Variants in FAM98B observed in about 807,000 individuals in gnomAD.
The protein encoded by FAM98B is tRNA splicing ligase complex subunit 3B.
In FAM98B, 32 loss-of-function variants were observed where a neutral mutation model predicts 43.9. The ratio of observed to expected loss-of-function variants is 0.73; its 90% confidence interval spans 0.55 to 0.98. FAM98B has a LOEUF of 0.98. FAM98B is among the 50% of genes least tolerant of loss of function. The pLI is 0.00. For synonymous variants in FAM98B, 190 were observed against 174.0 expected (o/e 1.09, Z -0.72); for missense variants, 514 against 522.9 (o/e 0.98, Z 0.17).
intron 1 of FAM98B, among the ~76,000 whole-genome samples, chr15:38,463,031 C>T (rs1159538699): frequency 2.2e-4 from 33 of 152,160 alleles, no homozygotes; most frequent in Admixed American, 2.2e-3. Flanking sequence ...GATTAAAACA[C>T]ATCAAGTATA....
chr15:38,465,218 G>T (rs754259177), intron 2 of FAM98B, 51 bp from the exon 3 acceptor site: 2 of 1,544,034 alleles, frequency 1.3e-6, no homozygotes, highest in South Asian at 2.4e-5. Flanking sequence ...TATAGTATTG[G>T]ATTATATGGT....
intron 1 of FAM98B, among the ~76,000 whole-genome samples, chr15:38,456,914 GC>G (rs1177896907): frequency 1.3e-5 from 2 of 152,294 alleles, no homozygotes; most frequent in Non-Finnish European, 2.9e-5. Flanking sequence ...GAAAATCAGG[GC>G]ATGCAGCCCC....
rs1041550667 is a variant in FAM98B, at chr15:38,484,638, A to C, written c.1281A>C (p.Gly427=). Residue 427 remains glycine, a synonymous_variant, in exon 8 of 8, where the codon GGA becomes GGC. Coordinates refer to ENST00000397609, the MANE Select transcript of FAM98B (RefSeq NM_173611.4). The part of the protein sequence containing the change: ...GGGGGGGGGG[G]GGYRRY Reference sequence around the variant, plus strand: ...GTGGTGGTGGTGGTGGTGGTGGAGGAGGTGGATATAGAAGATACTAAAAAC... The same window carrying C: ...GTGGTGGTGGTGGTGGTGGTGGAGGCGGTGGATATAGAAGATACTAAAAAC... The C allele has an allele frequency of 1.1e-5, 17 of 1,516,790 alleles. No individual in the cohort carries two copies. The African/African-American group carries it at 2.4e-4, about 22-fold the overall frequency. The allele number at this position is 1,516,790 out of a possible 1,614,324, so 94.0% of individuals were successfully genotyped here. A position where few individuals can be genotyped will look rare whatever the true frequency, so the allele number is the denominator to read the frequency against.
At chr15:38,454,283 C>T in intron 1 of FAM98B, 51 bp downstream of exon 1, 4 of 1,551,206 alleles carry the variant, frequency 2.6e-6, no homozygotes, top group Non-Finnish European at 3.5e-6. Flanking sequence ...CTCTCCTTGG[C>T]CTGGCTGCTT....
chr15:38,484,483 TG>T lies in FAM98B; in HGVS notation c.1133del (p.Gly378GlufsTer62), dbSNP rs1451089850. The T allele has an allele frequency of 1.8e-4, 24 of 132,306 alleles. 1 individual carries two copies. The highest frequency in any genetic ancestry group is 1.4e-3 in the East Asian group (1 of 726). 8.2% of individuals were successfully genotyped at this position (132,306 alleles called of 1,614,324 possible). ...AGGTGGTGGGGGAGGGGGAGGAGGG[TG>T]GGGGGGAGGAGGAGGAGGTGGTAGA... is the stretch of plus-strand genomic sequence containing the variant. ...WGGGGGGGGG[W>X]GGGGGGGRGG... On this transcript the variant is annotated frameshift_variant, in exon 8 of 8. Coordinates refer to ENST00000397609, the MANE Select transcript of FAM98B (RefSeq NM_173611.4). LOFTEE classifies it low-confidence loss of function (END_TRUNC).
chr15:38,484,364 G>T lies in FAM98B; in HGVS notation c.1007G>T (p.Gly336Val). 1 of 1,528,010 alleles carries T rather than the reference G, an allele frequency of 6.5e-7. No homozygotes were observed. The highest frequency in any genetic ancestry group is 8.8e-7 in the Non-Finnish European group (1 of 1,139,128). The allele number at this position is 1,528,010 out of a possible 1,614,324, so 94.7% of individuals were successfully genotyped here. ...QKRQEGGGGR[G>V]GWGGGGGGGG... The stretch of plus-strand genomic sequence containing the variant: ...AGACAAGAAGGCGGCGGTGGAAGGG[G>T]TGGTTGGGGTGGTGGTGGTGGAGGT... The change falls in exon 8 of 8, where the codon GGT becomes GTT. Residue 336 changes from glycine (G) to valine (V), a missense_variant. Around this residue, in one of 2 missense-constraint regions of FAM98B, gnomAD observed 469 missense variants for 451.8 expected, o/e 1.04. Coordinates refer to ENST00000397609, the MANE Select transcript of FAM98B (RefSeq NM_173611.4).
intron 3 of FAM98B, 47 bp downstream of exon 3, chr15:38,465,450 ATTATT>A (rs1890015438): frequency 1.3e-6 from 2 of 1,493,886 alleles, no homozygotes; most frequent in East Asian, 4.7e-5. Context: ...CATGGTTTTT[ATTATT>A]TTCAAGTCAA....
chr15:38,483,684 A>AT (rs1490478425), intron 7 of FAM98B: 38 of 87,188 alleles, frequency 4.4e-4, no homozygotes, highest in African/African-American at 1.5e-3. Flanking sequence ...AAAAAAAAAA[A>AT]ATATATATAT....
chr15:38,459,396 A>G (rs931250395), intron 1 of FAM98B: 2 of 391,750 alleles, frequency 5.1e-6, no homozygotes, highest in Non-Finnish European at 1.0e-5. Context: ...TTGACTGGCC[A>G]TGCTGGATGC....
chr15:38,459,805 T>A (rs1227457733), intron 1 of FAM98B, among the ~76,000 whole-genome samples: 1 of 152,160 alleles, frequency 6.6e-6, no homozygotes, highest in Non-Finnish European at 1.5e-5. Flanking sequence ...GGGTCCAAAA[T>A]GGAGAATCCA....
intron 1 of FAM98B, among the ~76,000 whole-genome samples, chr15:38,454,719 C>A (rs1047327110): frequency 6.6e-6 from 1 of 152,106 alleles, no homozygotes; most frequent in Non-Finnish European, 1.5e-5. Flanking sequence ...ATTGCGAGTT[C>A]GTTCTTTCAA....
intron 3 of FAM98B, among the ~76,000 whole-genome samples, chr15:38,467,671 A>G (rs1890058555): frequency 6.6e-6 from 1 of 152,198 alleles, no homozygotes; most frequent in Non-Finnish European, 1.5e-5. Flanking sequence ...ATGAATATAT[A>G]TCTATTTCCC....
intron 4 of FAM98B, among the ~76,000 whole-genome samples, chr15:38,471,929 T>C (rs1053470709): frequency 3.3e-5 from 5 of 152,176 alleles, no homozygotes; most frequent in African/African-American, 1.2e-4. Context: ...AATGTTTACA[T>C]GTAATAACTC....
intron 6 of FAM98B, among the ~76,000 whole-genome samples, chr15:38,480,336 C>G (rs1385327552): frequency 6.6e-6 from 1 of 152,106 alleles, no homozygotes; most frequent in East Asian, 1.9e-4. Flanking sequence ...TCTCGTTGAT[C>G]TGTGATGTCT....
chr15:38,483,073 G>A (rs1017678597), intron 7 of FAM98B: 2 of 152,076 alleles, frequency 1.3e-5, no homozygotes, highest in African/African-American at 4.8e-5. Flanking sequence ...ACCTCATTAA[G>A]GTCCCATGTT....
intron 1 of FAM98B, chr15:38,458,937 T>C (rs76629009): frequency 2.4e-6 from 1 of 417,140 alleles, no homozygotes; most frequent in East Asian, 6.3e-5. Flanking sequence ...TTCCTCAGGT[T>C]CCTCCCCAGG....
chr15:38,455,518 T>C (rs1458733674), intron 1 of FAM98B, among the ~76,000 whole-genome samples: 3 of 152,228 alleles, frequency 2.0e-5, no homozygotes, highest in South Asian at 4.1e-4. Flanking sequence ...ACTTAGTAGA[T>C]CGTGAATACA....
At chr15:38,480,900 A>G (rs1890272542) in intron 6 of FAM98B, among the ~76,000 whole-genome samples, 1 of 152,094 alleles carries the variant, frequency 6.6e-6, no homozygotes, top group Non-Finnish European at 1.5e-5. Flanking sequence ...AATAATACTT[A>G]ATGTTCCCAT....
At chr15:38,483,748 T>A (rs974594917) in intron 7 of FAM98B, 1 of 150,286 alleles carries the variant, frequency 6.7e-6, no homozygotes, top group South Asian at 2.1e-4. Flanking sequence ...CATTTTATAT[T>A]TTTTCATATT....
Sources: gnomAD v4.1 joint callset for allele counts (sites outside exome capture counted in the v4.1 genomes callset) on GRCh38, gnomAD v4.1.1 for gene constraint, gnomAD v4.1.1 regional missense constraint, MANE v1.5 for transcripts, NCBI Gene and HGNC (gene_info 2026-07-23, HGNC 2026-07-21) for gene names.